APBA1: variants seen among roughly 807,000 people sequenced by gnomAD.
The protein encoded by APBA1 is amyloid-beta A4 precursor protein-binding family A member 1.
In APBA1, 55 loss-of-function variants were observed where a neutral mutation model predicts 86.6. The ratio of observed to expected loss-of-function variants is 0.64; its 90% CI spans 0.51 to 0.80. APBA1 has a LOEUF of 0.80. APBA1 is among the 30% of genes least tolerant of loss of function. The pLI is 0.00. For synonymous variants in APBA1, 511 were observed against 493.9 expected (o/e 1.03, Z -0.46); for missense variants, 1,090 against 1,183.0 (o/e 0.92, Z 1.15).
At chr9:69,436,119 G>C (rs1412850803) in intron 11 of APBA1, among the ~76,000 whole-genome samples, 2 of 149,806 alleles carry the variant, frequency 1.3e-5, no homozygotes, top group Non-Finnish European at 3.0e-5. Context: ...TGAGGGCTCT[G>C]TTCTGTTCCA....
At chr9:69,665,514 T>C (rs1214027598) in intron 1 of APBA1, among the ~76,000 whole-genome samples, 1 of 152,208 alleles carries the variant, frequency 6.6e-6, no homozygotes, top group African/African-American at 2.4e-5. Context: ...TACTTAAATC[T>C]TTGGAAATTT....
chr9:69,490,938 TA>T (rs200989575), intron 2 of APBA1, among the ~76,000 whole-genome samples: 6,811 of 152,104 alleles, frequency 0.045, 543 homozygotes, highest in African/African-American at 0.15. Context: ...TGGCGATCAC[TA>T]AAAAGTCAGG....
intron 1 of APBA1, among the ~76,000 whole-genome samples, chr9:69,652,250 G>T (rs1230707433): frequency 6.6e-6 from 1 of 152,204 alleles, no homozygotes; most frequent in Admixed American, 6.5e-5. Flanking sequence ...ACCAGGTAAA[G>T]AAAGCTCCAA....
chr9:69,630,462 C>T (rs994646164), intron 1 of APBA1, among the ~76,000 whole-genome samples: 36 of 152,254 alleles, frequency 2.4e-4, no homozygotes, highest in African/African-American at 7.5e-4. Flanking sequence ...CCCTCCTGGT[C>T]GCCACTGAAT....
chr9:69,578,086 C>T lies in APBA1; in HGVS notation c.-69-60807G>A, dbSNP rs544885699. On this transcript the variant is annotated intron_variant, in intron 1 of 12. Coordinates refer to ENST00000265381, the MANE Select transcript of APBA1 (RefSeq NM_001163.4). ...AGCCTAGAGGCAAATTAGAAAACAT[C>T]GATCTTACTTTCTTCCTCTAAAGTG... Among the ~76,000 whole-genome samples, 22 of 152,316 alleles carry T rather than the reference C, an allele frequency of 1.4e-4. No homozygotes were observed. In the South Asian group the frequency reaches 1.9e-3, roughly 13 times the overall value.
chr9:69,591,904 T>A lies in APBA1; in HGVS notation c.-69-74625A>T, dbSNP rs11789324. Among the ~76,000 whole-genome samples, 1,482 of 152,302 alleles carry A rather than the reference T, an allele frequency of 9.7e-3. 3 individuals are homozygous for A. The highest frequency in any genetic ancestry group is 0.016 in the Non-Finnish European group (1,091 of 68,024). On this transcript the variant is annotated intron_variant, in intron 1 of 12. Transcript: ENST00000265381. The stretch of plus-strand genomic sequence containing the variant: ...TCTGATTTTTGTTTTCAGAAAAGTG[T>A]CTCAGCTAAGAACTTTAAAAAAGGG...
chr9:69,494,000 A>T (rs898488801), intron 2 of APBA1, among the ~76,000 whole-genome samples: 1 of 152,060 alleles, frequency 6.6e-6, no homozygotes, highest in Non-Finnish European at 1.5e-5. Context: ...TTGCCCCAAG[A>T]CATGTCTGTG....
intron 9 of APBA1, among the ~76,000 whole-genome samples, chr9:69,451,109 C>T (rs899377780): frequency 2.6e-5 from 4 of 152,192 alleles, no homozygotes; most frequent in South Asian, 4.1e-4. Flanking sequence ...GGCCAATAAC[C>T]GGCATGGGGT....
chr9:69,657,033 G>A (rs1357758770), intron 1 of APBA1, among the ~76,000 whole-genome samples: 1 of 151,864 alleles, frequency 6.6e-6, no homozygotes, highest in East Asian at 1.9e-4. Flanking sequence ...TTTTAGTAGA[G>A]ACGGGGTTTC....
At chr9:69,501,052 T>A (rs1421082109) in intron 2 of APBA1, among the ~76,000 whole-genome samples, 2 of 152,088 alleles carry the variant, frequency 1.3e-5, no homozygotes, top group Non-Finnish European at 2.9e-5. Context: ...CCAGACTTGT[T>A]TACTCACTTT....
chr9:69,566,175 C>G (rs1358275777), intron 1 of APBA1, among the ~76,000 whole-genome samples: 1 of 152,224 alleles, frequency 6.6e-6, no homozygotes, highest in Non-Finnish European at 1.5e-5. Context: ...AGGTAGGTCT[C>G]CGTGCTGCAT....
intron 1 of APBA1, among the ~76,000 whole-genome samples, chr9:69,640,553 C>T (rs1823266740): frequency 6.6e-6 from 1 of 151,738 alleles, no homozygotes; most frequent in Admixed American, 6.6e-5. Context: ...ACAGAGTCAA[C>T]CAACCACCAG....
chr9:69,516,799 C>A lies in APBA1; in HGVS notation c.412G>T (p.Ala138Ser). 1 of 1,609,292 alleles carries A rather than the reference C, an allele frequency of 6.2e-7. No individual in the cohort carries two copies. The highest frequency in any genetic ancestry group is 8.5e-7 in the Non-Finnish European group (1 of 1,179,424). ...AGCGCGCGGCGGTGCGTGGCCTCGG[C>A]GTGCTCGGCCTCTGCCTGCTCCGTG... Reference protein sequence around the residue: ...EYTEQAEAEHAEATHRRALPN... With the variant: ...EYTEQAEAEHSEATHRRALPN... Residue 138 changes from alanine (A) to serine (S), a missense_variant, in exon 2 of 13, where the codon GCC (alanine) becomes TCC (serine). Physicochemically the swap from Ala to Ser is moderately conservative, Grantham distance 99. Coordinates refer to ENST00000265381, the MANE Select transcript of APBA1 (RefSeq NM_001163.4). This position sits in a 1 kb window ranked among gnomAD's most constrained non-coding sequence, Gnocchi z 7.3.
intron 2 of APBA1, among the ~76,000 whole-genome samples, chr9:69,492,258 A>G (rs1420316203): frequency 6.6e-6 from 1 of 151,766 alleles, no homozygotes; most frequent in African/African-American, 2.4e-5. Flanking sequence ...GCTAGCACCC[A>G]CCTCCCGGGT....
At chr9:69,563,488 A>T (rs1345212522) in intron 1 of APBA1, among the ~76,000 whole-genome samples, 2 of 152,206 alleles carry the variant, frequency 1.3e-5, no homozygotes, top group African/African-American at 4.8e-5. Context: ...CTTTGAATTC[A>T]AAAGCATAAA....
At chr9:69,615,422 C>G (rs901962630) in intron 1 of APBA1, among the ~76,000 whole-genome samples, 1 of 152,078 alleles carries the variant, frequency 6.6e-6, no homozygotes, top group Non-Finnish European at 1.5e-5. Flanking sequence ...CAATTGGAAA[C>G]ATTGGTTATA....
chr9:69,588,362 C>T (rs772637873), intron 1 of APBA1, among the ~76,000 whole-genome samples: 5 of 150,516 alleles, frequency 3.3e-5, no homozygotes, highest in African/African-American at 4.9e-5. Context: ...AGAGTGGTAG[C>T]AGCAGAGATG....
At chr9:69,433,020 G>A (rs11138619) in intron 11 of APBA1, among the ~76,000 whole-genome samples, 2,140 of 152,308 alleles carry the variant, frequency 0.014, 22 homozygotes, top group Non-Finnish European at 0.02. Flanking sequence ...GTGTGACACA[G>A]GTTAGTGTTA....
At chr9:69,519,762 G>A (rs989010092) in intron 1 of APBA1, among the ~76,000 whole-genome samples, 10 of 152,178 alleles carry the variant, frequency 6.6e-5, no homozygotes, top group African/African-American at 2.4e-4. Context: ...GAAAATGGCT[G>A]TTCTTTAGCT....
Sources: allele counts gnomAD v4.1 joint callset (sites outside exome capture counted in the v4.1 genomes callset), GRCh38; gene constraint gnomAD v4.1.1; non-coding constraint Gnocchi (gnomAD v3.1); transcripts MANE v1.5; gene names NCBI Gene and HGNC (gene_info 2026-07-23, HGNC 2026-07-21).